ANGEL1: variants seen among roughly 807,000 people sequenced by gnomAD.
ANGEL1 encodes the protein angel homolog 1, also known as RNA 2',3'-cyclic phosphatase ANGEL1.
A neutral mutation model predicts 76.4 loss-of-function variants in ANGEL1; 62 were observed. The ratio of observed to expected loss-of-function variants is 0.81; its 90% CI spans 0.66 to 1.00. The LOEUF is 1.00. Among genes scored for constraint, ANGEL1 ranks in the 50% least tolerant of loss-of-function variants. ANGEL1 has a pLI of 0.00. For synonymous variants in ANGEL1, 340 were observed against 331.7 expected (o/e 1.03, Z -0.27); for missense variants, 737 against 836.7 (o/e 0.88, Z 1.47).
intron 7 of ANGEL1, among the ~76,000 whole-genome samples, chr14:76,797,284 A>G (rs116234161): frequency 0.014 from 2,189 of 152,330 alleles, 28 homozygotes; most frequent in Non-Finnish European, 0.021. Flanking sequence ...AACAAGCTAA[A>G]AAGAACTTTT....
chr14:76,809,710 AAC>A (rs1895030055), intron 1 of ANGEL1, 67 bp from the exon 2 acceptor site: 1 of 1,381,006 alleles, frequency 7.2e-7, no homozygotes, highest in Non-Finnish European at 1.0e-6. Flanking sequence ...TCCCAGCTAA[AAC>A]ATAAGCCCAA....
chr14:76,812,341 A>T, intron 1 of ANGEL1: 1 of 1,018,636 alleles, frequency 9.8e-7, no homozygotes, highest in Non-Finnish European at 1.2e-6. Context: ...TTCGGCCATA[A>T]ACCTCCCAGA....
chr14:76,805,305 G>T (rs1416312452), intron 5 of ANGEL1, among the ~76,000 whole-genome samples: 1 of 152,330 alleles, frequency 6.6e-6, no homozygotes, highest in East Asian at 1.9e-4. Flanking sequence ...TTCAAAGCAA[G>T]TGCTCTCATT....
At chr14:76,797,146 G>A (rs1048940222) in intron 7 of ANGEL1, among the ~76,000 whole-genome samples, 12 of 152,140 alleles carry the variant, frequency 7.9e-5, no homozygotes, top group African/African-American at 2.4e-4. Flanking sequence ...TAGCAGCCAC[G>A]CATGCAAGTT....
intron 7 of ANGEL1, among the ~76,000 whole-genome samples, chr14:76,799,865 C>T (rs1299926185): frequency 6.7e-6 from 1 of 150,150 alleles, no homozygotes; most frequent in Non-Finnish European, 1.5e-5. Flanking sequence ...ATGACTGTAC[C>T]ACTGCACTCC....
In ANGEL1 at chr14:76,787,907, C is replaced by G. The variant is rs1399852195; in HGVS notation, c.*1321G>C. The G allele has an allele frequency of 1.3e-5, 2 of 152,598 alleles. No individual in the cohort carries two copies. The highest frequency in any genetic ancestry group is 4.8e-5 in the African/African-American group (2 of 41,458). 9.5% of individuals were successfully genotyped at this position (152,598 alleles called of 1,614,324 possible). On this transcript the variant is annotated 3_prime_UTR_variant, in exon 10 of 10. Transcript: ENST00000251089. ...GACACAGTGTGGACTAAGGAGTCCC[C>G]TGAATAAGCCAGGGTACCCTTCTGT...
chr14:76,796,490 A>C (rs934382515), intron 7 of ANGEL1, among the ~76,000 whole-genome samples: 58 of 152,252 alleles, frequency 3.8e-4, no homozygotes, highest in Non-Finnish European at 6.0e-4. Context: ...TCCAGGACTC[A>C]AGGGAATCAC....
At chr14:76,792,545 A>C (rs1223636746) in intron 7 of ANGEL1, among the ~76,000 whole-genome samples, 1 of 152,200 alleles carries the variant, frequency 6.6e-6, no homozygotes, top group East Asian at 1.9e-4. Flanking sequence ...ACTATGACCA[A>C]ATAAGATTTA....
At position 76,803,586 on chromosome 14, in the gene ANGEL1, T is replaced by C. The variant is rs1221920790; in HGVS notation, c.1508-105A>G. On this transcript the variant is annotated intron_variant, in intron 6 of 9. Coordinates refer to ENST00000251089, the MANE Select transcript of ANGEL1 (RefSeq NM_015305.4). ...CCAGCATAGGTACACAGAGGAAGCA[T>C]TCAGAAGACAAGGAGATTTTCCAAA... 8 of 1,362,770 alleles carry C rather than the reference T, an allele frequency of 5.9e-6. No homozygotes were observed. In the East Asian group the frequency reaches 1.6e-4, roughly 28 times the overall value. 84.4% of individuals were successfully genotyped at this position (1,362,770 alleles called of 1,614,324 possible).
chr14:76,790,052 A>C (rs1324780249), intron 9 of ANGEL1, among the ~76,000 whole-genome samples: 2 of 151,844 alleles, frequency 1.3e-5, no homozygotes, highest in Non-Finnish European at 2.9e-5. Flanking sequence ...TTTAGTAGAG[A>C]CGGGGTTTCA....
At chr14:76,805,047 AT>A (rs1894877121) in intron 5 of ANGEL1, among the ~76,000 whole-genome samples, 3 of 151,880 alleles carry the variant, frequency 2.0e-5, no homozygotes, top group Non-Finnish European at 4.4e-5. Context: ...AAATAAATAA[AT>A]AAATAAAATG....
intron 7 of ANGEL1, among the ~76,000 whole-genome samples, chr14:76,798,055 C>A (rs556841773): frequency 6.6e-6 from 1 of 151,710 alleles, no homozygotes; most frequent in Admixed American, 6.5e-5. Flanking sequence ...TCCTCTTCCT[C>A]TTCTACCACT....
At chr14:76,797,212 A>G (rs1894606151) in intron 7 of ANGEL1, among the ~76,000 whole-genome samples, 1 of 152,244 alleles carries the variant, frequency 6.6e-6, no homozygotes, top group Non-Finnish European at 1.5e-5. Flanking sequence ...CAGCCAGTAA[A>G]GAAGCTGGAT....
chr14:76,786,299 A>G lies in ANGEL1; in HGVS notation c.*2929T>C, dbSNP rs1406512976. 6.6e-6 allele frequency: 1 copy of G among 151,928 alleles called. No individual in the cohort carries two copies. The highest frequency in any genetic ancestry group is 6.6e-5 in the Admixed American group (1 of 15,216). 9.4% of individuals were successfully genotyped at this position (151,928 alleles called of 1,614,324 possible). On this transcript the variant is annotated 3_prime_UTR_variant, in exon 10 of 10. Transcript: ENST00000251089. ...CTGCCTCAGCCTCCAAGTAGCTGGG[A>G]TTACAGGCATGCGCCATCACGCCCG...
chr14:76,800,882 A>T (rs1029420533), intron 7 of ANGEL1, among the ~76,000 whole-genome samples: 4 of 152,166 alleles, frequency 2.6e-5, no homozygotes, highest in Admixed American at 6.5e-5. Context: ...CTGAGGCAGG[A>T]GAATTACTCA....
At chr14:76,799,859 C>G (rs1894708088) in intron 7 of ANGEL1, among the ~76,000 whole-genome samples, 1 of 149,104 alleles carries the variant, frequency 6.7e-6, no homozygotes, top group African/African-American at 2.5e-5. Flanking sequence ...TGAGCCATGA[C>G]TGTACCACTG....
At chr14:76,797,999 A>G (rs1028752720) in intron 7 of ANGEL1, among the ~76,000 whole-genome samples, 6 of 152,180 alleles carry the variant, frequency 3.9e-5, no homozygotes, top group Non-Finnish European at 7.3e-5. Flanking sequence ...TGGAGTCCTC[A>G]TGGATAGGAT....
intron 7 of ANGEL1, among the ~76,000 whole-genome samples, chr14:76,801,008 C>T (rs1894746459): frequency 6.6e-6 from 1 of 151,954 alleles, no homozygotes. Flanking sequence ...ACCTCATCAC[C>T]GTTAGGCTTC....
chr14:76,790,578 G>A, intron 9 of ANGEL1, 33 bp downstream of exon 9: 1 of 1,581,422 alleles, frequency 6.3e-7, no homozygotes, highest in Non-Finnish European at 8.6e-7. Context: ...CAGGGACCTG[G>A]GGGTGGAGGA....
Sources: allele counts gnomAD v4.1 joint callset (sites outside exome capture counted in the v4.1 genomes callset), GRCh38; gene constraint gnomAD v4.1.1; transcripts MANE v1.5; gene names NCBI Gene and HGNC (gene_info 2026-07-23, HGNC 2026-07-21).